The following KREMEN1 variants were observed in gnomAD, a reference collection of about 807,000 sequenced individuals.
KREMEN1 encodes kremen protein 1.
In KREMEN1, 30 loss-of-function variants were observed where a neutral mutation model predicts 46.5. The ratio of observed to expected loss-of-function variants is 0.65; its 90% CI spans 0.48 to 0.88. KREMEN1 has a LOEUF of 0.88. KREMEN1 is among the 40% of genes least tolerant of loss of function. KREMEN1 has a pLI of 0.00. For synonymous variants in KREMEN1, 214 were observed against 230.6 expected, an observed-to-expected ratio of 0.93 and a Z score of 0.65; for missense variants, 533 against 596.9, an observed-to-expected ratio of 0.89 and a Z score of 1.11.
intron 3 of KREMEN1, among the ~76,000 whole-genome samples, chr22:29,105,468 C>CACACACAT (rs2038043567): frequency 1.5e-5 from 2 of 134,740 alleles, no homozygotes; most frequent in Non-Finnish European, 3.1e-5. Context: ...TGTGCGCACA[C>CACACACAT]ACACACACAT....
chr22:29,167,291 C>T (rs1049355247), exon 10 of KREMEN1: 2 of 613,202 alleles, frequency 3.3e-6, no homozygotes, highest in South Asian at 1.9e-5. Flanking sequence ...CCCAGGAGGT[C>T]GAGGCTGCAG....
intron 2 of KREMEN1, among the ~76,000 whole-genome samples, chr22:29,095,539 G>GCAGC (rs2037871330): frequency 6.6e-6 from 1 of 152,188 alleles, no homozygotes; most frequent in Middle Eastern, 3.2e-3. Flanking sequence ...AGGTGCAAAG[G>GCAGC]CAGCCTCTTG....
In KREMEN1 at chr22:29,141,852, C is replaced by A. The variant is rs185279600; in HGVS notation, c.1209-92C>A. 2.8e-4 allele frequency: 292 copies of A among 1,041,022 alleles called. 1 individual carries two copies. In the African/African-American group the frequency reaches 4.0e-3, roughly 14 times the overall value. 64.5% of individuals were successfully genotyped at this position (1,041,022 alleles called of 1,614,324 possible). A position where few individuals can be genotyped will look rare whatever the true frequency, so the allele number is the denominator to read the frequency against. ...TGTGAGGTCCTTCCCAAGACCTTGC[C>A]CCACCCCATTTCATAGATACAGTAT... On this transcript the variant is annotated intron_variant, in intron 8 of 8. Coordinates refer to ENST00000400335, the MANE Select transcript of KREMEN1 (RefSeq NM_001039570.3).
In KREMEN1 at chr22:29,120,440, T is replaced by C. The variant is rs1407145318; in HGVS notation, c.353-917T>C. Among the ~76,000 whole-genome samples the C allele has an allele frequency of 7.1e-4, 68 of 96,362 alleles. 1 individual carries two copies. The highest frequency in any genetic ancestry group is 2.9e-3 in the African/African-American group (62 of 21,228). The allele number at this position is 96,362 out of a possible 152,430, so 63.2% of individuals were successfully genotyped here. On this transcript the variant is annotated intron_variant, in intron 3 of 8. Transcript: ENST00000400335. The stretch of plus-strand genomic sequence containing the variant: ...GGAAACAGGGAGGAGGGAGAGGTGA[T>C]GATGGAAACAGGGAGGAGGGAGACG...
intron 4 of KREMEN1, among the ~76,000 whole-genome samples, chr22:29,122,646 T>C (rs1197390371): frequency 6.6e-6 from 1 of 152,060 alleles, no homozygotes; most frequent in Non-Finnish European, 1.5e-5. Flanking sequence ...AAGAGACATA[T>C]TAAGACCTAC....
At chr22:29,156,771 G>A (rs962636609) in intron 9 of KREMEN1, among the ~76,000 whole-genome samples, 1 of 152,234 alleles carries the variant, frequency 6.6e-6, no homozygotes, top group South Asian at 2.1e-4. Context: ...CAGGCACTCG[G>A]TCATCTTGAC....
chr22:29,118,753 AG>A (rs1294889364), intron 3 of KREMEN1, among the ~76,000 whole-genome samples: 5 of 152,172 alleles, frequency 3.3e-5, no homozygotes, highest in Admixed American at 6.5e-5. Context: ...AGGGAGTAAT[AG>A]GGGGAAAAAA....
chr22:29,078,089 A>G (rs134604), intron 1 of KREMEN1, among the ~76,000 whole-genome samples: 97,447 of 151,740 alleles, frequency 0.64, 31,486 homozygotes, highest in Middle Eastern at 0.78. Context: ...CTGTCTCTGT[A>G]AAACCCTGTC....
chr22:29,112,553 A>C (rs1205317038), intron 3 of KREMEN1, among the ~76,000 whole-genome samples: 1 of 152,166 alleles, frequency 6.6e-6, no homozygotes, highest in Non-Finnish European at 1.5e-5. Context: ...GGTTAATGTG[A>C]ATGGAGGACC....
At chr22:29,161,506 CAAAAAAAAA>C (rs35296953) in intron 9 of KREMEN1, among the ~76,000 whole-genome samples, 4 of 63,324 alleles carry the variant, frequency 6.3e-5, no homozygotes, top group South Asian at 8.8e-4. Flanking sequence ...GACTCCATCT[CAAAAAAAAA>C]AAAAAAAAAA....
intron 6 of KREMEN1, 76 bp from the exon 7 acceptor site, chr22:29,138,548 A>G: frequency 7.1e-7 from 1 of 1,414,376 alleles, no homozygotes; most frequent in African/African-American, 1.4e-5. Context: ...CTTCTTCATA[A>G]CTCGTGCTCT....
chr22:29,091,803 G>C (rs935690910), intron 1 of KREMEN1, among the ~76,000 whole-genome samples: 1 of 152,146 alleles, frequency 6.6e-6, no homozygotes, highest in African/African-American at 2.4e-5. Flanking sequence ...AGCAAACAAA[G>C]GGCAGAAAAA....
At chr22:29,093,768 C>T (rs1051447085) in intron 1 of KREMEN1, among the ~76,000 whole-genome samples, 3 of 152,118 alleles carry the variant, frequency 2.0e-5, no homozygotes, top group Non-Finnish European at 2.9e-5. Context: ...TTGCTGTATC[C>T]GATGATCTTA....
In KREMEN1 at chr22:29,125,237, C is replaced by T. The variant is rs753234909; in HGVS notation, c.478-26C>T. 4.4e-5 allele frequency: 71 copies of T among 1,612,528 alleles called. 1 individual carries two copies. The highest frequency in any genetic ancestry group is 4.4e-4 in the South Asian group (40 of 90,938). ...ATCTGACATCCCTGATGATGCTTAC[C>T]GTGTGCTGCTTCTCTGTTGTGGCAG... On this transcript the variant is annotated intron_variant, in intron 4 of 8. Transcript: ENST00000400335.
chr22:29,098,916 T>C lies in KREMEN1; in HGVS notation c.315T>C (p.Gly105=). Residue 105 remains glycine (G), a synonymous_variant, in exon 3 of 9, where the codon GGT becomes GGC. Coordinates refer to ENST00000400335, the MANE Select transcript of KREMEN1 (RefSeq NM_001039570.3). ...GCTATGTGGCAGAGCACGAGGATGG[T>C]GTCTACTGGAAGTACTGTGAGATAC... The part of the protein sequence containing the change: ...PWCYVAEHED[G]VYWKYCEIPA... The C allele has an allele frequency of 1.2e-6, 2 of 1,614,068 alleles. No individual in the cohort carries two copies. Among genetic ancestry groups the C allele is most frequent in the Non-Finnish European group, 1.7e-6 (2 of 1,179,932 alleles).
In KREMEN1 at chr22:29,138,231, G is replaced by GTGCTCC. The variant is rs1460666723; in HGVS notation, c.965-392_965-387dup. ...ACCTCAAGAAGAGTTCAGGTAGTGT[G>GTGCTCC]TGCTCCAGGAGACCCATGGGAAGAG... On this transcript the variant is annotated intron_variant, in intron 6 of 8. Transcript: ENST00000400335. Among the ~76,000 whole-genome samples, 6 of 152,362 alleles carry GTGCTCC rather than the reference G, an allele frequency of 3.9e-5. No individual in the cohort carries two copies. In the South Asian group the frequency reaches 1.0e-3, roughly 26 times the overall value.
At chr22:29,132,208 G>A (rs923102778) in intron 5 of KREMEN1, among the ~76,000 whole-genome samples, 1 of 152,070 alleles carries the variant, frequency 6.6e-6, no homozygotes, top group African/African-American at 2.4e-5. Flanking sequence ...GTTGTTGCCT[G>A]TATCAGTAGT....
intron 2 of KREMEN1, among the ~76,000 whole-genome samples, chr22:29,096,218 G>A (rs1274319456): frequency 2.0e-5 from 3 of 152,186 alleles, no homozygotes; most frequent in East Asian, 1.9e-4. Context: ...TAGGAAGAGA[G>A]ACAAGTATTT....
At chr22:29,081,010 T>G (rs955037138) in intron 1 of KREMEN1, among the ~76,000 whole-genome samples, 1 of 151,618 alleles carries the variant, frequency 6.6e-6, no homozygotes, top group African/African-American at 2.4e-5. Flanking sequence ...TTTTTATACT[T>G]TAAGTTTTAG....
Sources: gnomAD v4.1 joint callset for allele counts (sites outside exome capture counted in the v4.1 genomes callset) on GRCh38, gnomAD v4.1.1 for gene constraint, MANE v1.5 for transcripts, NCBI Gene and HGNC (gene_info 2026-07-23, HGNC 2026-07-21) for gene names.